The following CAMKMT variants were observed in gnomAD, a reference collection of about 807,000 sequenced individuals.
The protein encoded by CAMKMT is CaM KMT.
CAMKMT carries 53 observed loss-of-function variants against 48.0 expected under a neutral mutation model. The ratio of observed to expected loss-of-function variants is 1.10; its 90% CI spans 0.89 to 1.39. The LOEUF (loss-of-function observed/expected upper bound fraction) is 1.39, where lower values mean the gene tolerates loss of function less well. CAMKMT is among the 40% of genes most tolerant of loss of function. CAMKMT has a pLI of 0.00. For synonymous variants in CAMKMT, 165 were observed against 152.3 expected (o/e 1.08, Z -0.61); for missense variants, 428 against 402.7 (o/e 1.06, Z -0.54).
chr2:44,732,222 G>A (rs529782608), intron 7 of CAMKMT, among the ~76,000 whole-genome samples: 1 of 152,242 alleles, frequency 6.6e-6, no homozygotes, highest in South Asian at 2.1e-4. Context: ...TCAAAGTGCT[G>A]GGATTACAGG....
At chr2:44,725,230 A>G (rs1254871244) in intron 7 of CAMKMT, among the ~76,000 whole-genome samples, 1 of 151,342 alleles carries the variant, frequency 6.6e-6, no homozygotes, top group Non-Finnish European at 1.5e-5. Context: ...ATTCTTCTTT[A>G]AATAAGGGCA....
At chr2:44,486,672 A>G (rs955381470) in intron 3 of CAMKMT, among the ~76,000 whole-genome samples, 1 of 152,222 alleles carries the variant, frequency 6.6e-6, no homozygotes, top group African/African-American at 2.4e-5. Flanking sequence ...GCTGAAAGCC[A>G]TTGAGCATAT....
chr2:44,595,437 A>G (rs1424745578), intron 3 of CAMKMT, among the ~76,000 whole-genome samples: 3 of 152,226 alleles, frequency 2.0e-5, no homozygotes, highest in Admixed American at 6.5e-5. Context: ...ACCTAGGAAT[A>G]CAACTTATAA....
intron 3 of CAMKMT, among the ~76,000 whole-genome samples, chr2:44,418,794 T>C (rs1683738688): frequency 6.6e-6 from 1 of 152,252 alleles, no homozygotes; most frequent in African/African-American, 2.4e-5. Context: ...ACTACAATTT[T>C]GATTGGATGG....
At chr2:44,614,003 C>T (rs1019837629) in intron 3 of CAMKMT, among the ~76,000 whole-genome samples, 8 of 152,068 alleles carry the variant, frequency 5.3e-5, no homozygotes, top group African/African-American at 1.9e-4. Context: ...ATATGAAAAG[C>T]CCTATAAAAT....
At chr2:44,363,156 G>A (rs1678139898) in intron 1 of CAMKMT, among the ~76,000 whole-genome samples, 1 of 152,138 alleles carries the variant, frequency 6.6e-6, no homozygotes, top group Non-Finnish European at 1.5e-5. Flanking sequence ...GATCATCAGA[G>A]TTAATTAAGA....
intron 3 of CAMKMT, among the ~76,000 whole-genome samples, chr2:44,607,358 G>C (rs908500369): frequency 1.3e-5 from 2 of 152,106 alleles, no homozygotes; most frequent in African/African-American, 2.4e-5. Context: ...GCTAATTTGG[G>C]GAAGGAAGGT....
At chr2:44,413,712 A>G (rs1403518448) in intron 3 of CAMKMT, among the ~76,000 whole-genome samples, 1 of 151,996 alleles carries the variant, frequency 6.6e-6, no homozygotes, top group Non-Finnish European at 1.5e-5. Flanking sequence ...AAATATATAC[A>G]TTTGTTGAAT....
intron 3 of CAMKMT, chr2:44,394,737 T>C: frequency 2.7e-6 from 1 of 369,712 alleles, no homozygotes; most frequent in Non-Finnish European, 5.5e-6. Flanking sequence ...CTGACCAGGA[T>C]TTTTAATGCA....
intron 10 of CAMKMT, among the ~76,000 whole-genome samples, chr2:44,768,986 C>A: frequency 6.6e-6 from 1 of 152,218 alleles, no homozygotes; most frequent in South Asian, 2.1e-4. Context: ...CACAAATGGT[C>A]GTGAAGAGAT....
chr2:44,709,219 C>G (rs1677737114), intron 6 of CAMKMT, among the ~76,000 whole-genome samples: 1 of 152,092 alleles, frequency 6.6e-6, no homozygotes, highest in Admixed American at 6.6e-5. Context: ...AACATTTGGT[C>G]CTCAGAAGCT....
intron 3 of CAMKMT, among the ~76,000 whole-genome samples, chr2:44,431,020 A>G (rs990281397): frequency 6.6e-6 from 1 of 151,448 alleles, no homozygotes; most frequent in Non-Finnish European, 1.5e-5. Flanking sequence ...GAAATACTCA[A>G]TTTATTTTGT....
intron 7 of CAMKMT, among the ~76,000 whole-genome samples, chr2:44,719,460 T>A (rs957431838): frequency 6.6e-6 from 1 of 152,180 alleles, no homozygotes; most frequent in African/African-American, 2.4e-5. Context: ...GTAAACAAGA[T>A]GGAAAAGGCC....
At chr2:44,375,500 G>C (rs1254804915) in intron 2 of CAMKMT, among the ~76,000 whole-genome samples, 1 of 152,066 alleles carries the variant, frequency 6.6e-6, no homozygotes, top group Non-Finnish European at 1.5e-5. Flanking sequence ...ACTCTCACCA[G>C]GCTGTGCATA....
At chr2:44,576,353 A>G (rs1467990029) in intron 3 of CAMKMT, among the ~76,000 whole-genome samples, 1 of 151,486 alleles carries the variant, frequency 6.6e-6, no homozygotes, top group African/African-American at 2.4e-5. Context: ...AAAAGAAAAG[A>G]AAAAGAAAGA....
intron 6 of CAMKMT, among the ~76,000 whole-genome samples, chr2:44,713,064 G>A (rs888400065): frequency 4.6e-5 from 7 of 151,922 alleles, no homozygotes; most frequent in South Asian, 2.1e-4. Flanking sequence ...TACTGCTGTC[G>A]AATTTTTTTA....
intron 3 of CAMKMT, among the ~76,000 whole-genome samples, chr2:44,563,962 A>G (rs1668472254): frequency 6.6e-6 from 1 of 152,162 alleles, no homozygotes; most frequent in South Asian, 2.1e-4. Flanking sequence ...TTATAGCCGC[A>G]TGATTTATAA....
chr2:44,540,560 G>A (rs1667041308), intron 3 of CAMKMT, among the ~76,000 whole-genome samples: 1 of 152,176 alleles, frequency 6.6e-6, no homozygotes, highest in African/African-American at 2.4e-5. Flanking sequence ...AGACCAGCCT[G>A]GGCAACATGG....
At chr2:44,689,245 G>C (rs2104211819) in intron 3 of CAMKMT, among the ~76,000 whole-genome samples, 1 of 150,810 alleles carries the variant, frequency 6.6e-6, no homozygotes, top group South Asian at 2.1e-4. Context: ...GCCTTTTCAA[G>C]ACATGACCCA....
Sources: gnomAD v4.1 joint callset for allele counts (sites outside exome capture counted in the v4.1 genomes callset) on GRCh38, gnomAD v4.1.1 for gene constraint, MANE v1.5 for transcripts, NCBI Gene and HGNC (gene_info 2026-07-23, HGNC 2026-07-21) for gene names.